VAV2: variants seen among roughly 807,000 people sequenced by gnomAD.
The protein encoded by VAV2 is guanine nucleotide exchange factor VAV2.
In VAV2, 67 loss-of-function variants were observed where a neutral mutation model predicts 132.5. The ratio of observed to expected loss-of-function variants is 0.51; its 90% CI spans 0.42 to 0.62. VAV2 has a LOEUF of 0.62. Ranked by LOEUF, VAV2 falls within the 20% of genes least tolerant of loss-of-function variation. The pLI is 0.00. For missense variants in VAV2, 938 were observed against 1,153.6 expected (o/e 0.81, Z 2.71); for synonymous variants, 492 against 443.5 (o/e 1.11, Z -1.37).
chr9:133,820,004 A>G (rs891422033), intron 4 of VAV2, among the ~76,000 whole-genome samples: 3 of 152,242 alleles, frequency 2.0e-5, no homozygotes, highest in Admixed American at 6.5e-5. Context: ...AATGGGTTTA[A>G]CCAGTATTTC....
At chr9:133,933,528 C>T (rs2519816) in intron 2 of VAV2, among the ~76,000 whole-genome samples, 131,358 of 149,446 alleles carry the variant, frequency 0.88, 58,192 homozygotes, top group East Asian at 0.97. Flanking sequence ...GAATGATGGA[C>T]GAATGGATGA....
At chr9:133,841,065 A>G (rs1330995538) in intron 3 of VAV2, among the ~76,000 whole-genome samples, 1 of 152,094 alleles carries the variant, frequency 6.6e-6, no homozygotes, top group Non-Finnish European at 1.5e-5. Context: ...CCAGAGTAGC[A>G]AAGAGAGGAC....
chr9:133,933,667 GGACGGATGGATAGATGAAT>G (rs1840771586), intron 2 of VAV2, among the ~76,000 whole-genome samples: 1 of 126,350 alleles, frequency 7.9e-6, no homozygotes, highest in Non-Finnish European at 1.8e-5. Flanking sequence ...GTGGATGGGT[GGACGGATGGATAGATGAAT>G]GATGGATGGA....
At chr9:133,990,230 C>G (rs1440068732) in intron 1 of VAV2, among the ~76,000 whole-genome samples, 24 of 152,256 alleles carry the variant, frequency 1.6e-4, no homozygotes, top group Non-Finnish European at 4.4e-5. Context: ...GGCAGCAGGG[C>G]CCCTAAACAC....
At chr9:133,829,269 A>AT (rs1836171569) in intron 4 of VAV2, among the ~76,000 whole-genome samples, 1 of 152,196 alleles carries the variant, frequency 6.6e-6, no homozygotes, top group Non-Finnish European at 1.5e-5. Context: ...TTTTGTGTTA[A>AT]TTTTTTCAAC....
At chr9:133,800,615 T>C (rs1312347040) in intron 9 of VAV2, among the ~76,000 whole-genome samples, 13 of 152,122 alleles carry the variant, frequency 8.5e-5, no homozygotes, top group Admixed American at 8.5e-4. Flanking sequence ...TTCATGTAGG[T>C]GGAAAAAGCT....
At chr9:133,902,438 C>T (rs370979593) in intron 2 of VAV2, among the ~76,000 whole-genome samples, 2 of 152,312 alleles carry the variant, frequency 1.3e-5, no homozygotes, top group South Asian at 2.1e-4. Context: ...GCACTGGAAG[C>T]GGGGAGACTC....
At chr9:133,895,928 CTTTTTTTT>C (rs551480342) in intron 2 of VAV2, among the ~76,000 whole-genome samples, 1 of 115,220 alleles carries the variant, frequency 8.7e-6, no homozygotes, top group Admixed American at 8.6e-5. Context: ...ACACTAAAAT[CTTTTTTTT>C]TTTTTTTTTT....
Position 133,848,544 on chromosome 9 carries a change from A to C in VAV2, c.380+12830T>G, listed in dbSNP as rs117409952. Among the ~76,000 whole-genome samples, 1,135 of 151,878 alleles carry C rather than the reference A, an allele frequency of 7.5e-3. 6 individuals are homozygous for C. Among genetic ancestry groups the C allele is most frequent in the Non-Finnish European group, 0.014 (919 of 67,912 alleles). ...AAGATAATAGGGAAAGAGCGGAACA[A>C]AAGGCTGGAGAAAGCAACCAGCAAG... is the stretch of plus-strand genomic sequence containing the variant. On this transcript the variant is annotated intron_variant, in intron 3 of 29. Transcript: ENST00000371850.
chr9:133,811,157 G>A (rs1835344105), intron 5 of VAV2, among the ~76,000 whole-genome samples: 1 of 152,194 alleles, frequency 6.6e-6, no homozygotes, highest in Non-Finnish European at 1.5e-5. Context: ...CCCGGTTATG[G>A]CGGGGAACAA....
chr9:133,828,877 C>T (rs1002986774), intron 4 of VAV2, among the ~76,000 whole-genome samples: 2 of 152,240 alleles, frequency 1.3e-5, no homozygotes, highest in African/African-American at 2.4e-5. Flanking sequence ...GATAGTGCCC[C>T]GGTCTTCAGC....
In VAV2 at chr9:133,783,626, T is replaced by C. The variant is rs1422682949; in HGVS notation, c.1635-35A>G. Reference sequence around the variant, plus strand: ...GGAGGGCAGGAGGTGAGGTCGAGGCTGGGGTCGGCTCCTCATGCCTCTCTG... The same window carrying C: ...GGAGGGCAGGAGGTGAGGTCGAGGCCGGGGTCGGCTCCTCATGCCTCTCTG... On this transcript the variant is annotated intron_variant, in intron 18 of 29. Coordinates refer to ENST00000371850, the MANE Select transcript of VAV2 (RefSeq NM_001134398.2). 9 of 1,604,270 alleles carry C rather than the reference T, an allele frequency of 5.6e-6. No individual in the cohort carries two copies. In the South Asian group the frequency reaches 9.9e-5, roughly 18 times the overall value.
chr9:133,926,216 A>C lies in VAV2; in HGVS notation c.321+12887T>G, dbSNP rs891079304. 1 of 152,320 alleles carries C rather than the reference A, an allele frequency of 6.6e-6. No homozygotes were observed. The highest frequency in any genetic ancestry group is 1.5e-5 in the Non-Finnish European group (1 of 68,166). The allele number at this position is 152,320 out of a possible 1,614,324, so 9.4% of individuals were successfully genotyped here. A position where few individuals can be genotyped will look rare whatever the true frequency, so the allele number is the denominator to read the frequency against. On this transcript the variant is annotated intron_variant, in intron 2 of 29. Coordinates refer to ENST00000371850, the MANE Select transcript of VAV2 (RefSeq NM_001134398.2). The surrounding 1 kb of genome is among the most constrained non-coding windows in gnomAD (Gnocchi z 4.3). ...GTAGAGCAGTGACCAGTCCACGTAC[A>C]ATGAGAAACAATGGCAGGGCCTGAG...
intron 8 of VAV2, 35 bp downstream of exon 8, chr9:133,807,223 A>G: frequency 6.2e-7 from 1 of 1,600,024 alleles, no homozygotes; most frequent in Non-Finnish European, 8.5e-7. Context: ...TAGGGCCCCG[A>G]GCCTGGCATG....
chr9:133,955,766 C>G (rs1293725019), intron 1 of VAV2, among the ~76,000 whole-genome samples: 16 of 3,882 alleles, frequency 4.1e-3, no homozygotes, highest in Non-Finnish European at 5.4e-3. Context: ...ACGCCCCCCC[C>G]ACGTTCCTCC....
intron 3 of VAV2, among the ~76,000 whole-genome samples, chr9:133,838,023 G>C (rs1188153060): frequency 6.6e-6 from 1 of 152,170 alleles, no homozygotes; most frequent in Non-Finnish European, 1.5e-5. Context: ...GCAGGAGAGG[G>C]AGGCAGCCTG....
intron 29 of VAV2, among the ~76,000 whole-genome samples, chr9:133,766,256 T>C (rs694174): frequency 0.37 from 55,539 of 152,080 alleles, 10,858 homozygotes; most frequent in Non-Finnish European, 0.44. Context: ...TCTTCCACAA[T>C]GGTTGAACTA....
rs1840884026 is a variant in VAV2 at position 133,935,703 on chromosome 9, G to A, written c.321+3400C>T. On this transcript the variant is annotated intron_variant, in intron 2 of 29. Transcript: ENST00000371850. The surrounding 1 kb of genome is among the most constrained non-coding windows in gnomAD (Gnocchi z 5.2). ...AGCTCCCCAGCCTCCGCTGGCCCCAGGCCAGACTCCATTTGGAAGTGCTGA... is the reference window on the plus strand; with the variant it reads ...AGCTCCCCAGCCTCCGCTGGCCCCAAGCCAGACTCCATTTGGAAGTGCTGA... Among the ~76,000 whole-genome samples the A allele has an allele frequency of 2.0e-5, 3 of 152,242 alleles. No homozygotes were observed. The highest frequency in any genetic ancestry group is 4.8e-5 in the African/African-American group (2 of 41,466).
intron 1 of VAV2, among the ~76,000 whole-genome samples, chr9:133,946,837 G>T (rs1196774789): frequency 6.6e-6 from 1 of 152,230 alleles, no homozygotes; most frequent in Non-Finnish European, 1.5e-5. Flanking sequence ...CAAATTTGGG[G>T]CCCATCAGGT....
Sources: gnomAD v4.1 joint callset for allele counts (sites outside exome capture counted in the v4.1 genomes callset) on GRCh38, gnomAD v4.1.1 for gene constraint, Gnocchi (gnomAD v3.1) non-coding constraint, MANE v1.5 for transcripts, NCBI Gene and HGNC (gene_info 2026-07-23, HGNC 2026-07-21) for gene names.